PRKCB: variants seen among roughly 807,000 people sequenced by gnomAD.
PRKCB encodes protein kinase C beta.
A neutral mutation model predicts 81.5 loss-of-function variants in PRKCB; 13 were observed. That is an observed-to-expected ratio of 0.16 (90% CI 0.10 to 0.25). PRKCB has a LOEUF of 0.25. PRKCB is among the 10% of genes least tolerant of loss of function. The probability of loss-of-function intolerance (pLI) is 1.00; values close to 1 mark genes in which losing one functional copy is unlikely to be tolerated. For missense variants in PRKCB, 509 were observed against 875.7 expected (o/e 0.58, Z 5.29); for synonymous variants, 335 against 321.4 (o/e 1.04, Z -0.45).
chr16:24,004,075 A>T lies in PRKCB; in HGVS notation c.288+15485A>T, dbSNP rs1332400924. 2.6e-5 allele frequency among the ~76,000 whole-genome samples: 4 copies of T among 152,322 alleles called. No homozygotes were observed. In the East Asian group the frequency reaches 7.7e-4, roughly 29 times the overall value. ...AGATAAAACAACAAAGAAAATTATG[A>T]TCAATATAACAAAATATAGGAATAA... On this transcript the variant is annotated intron_variant, in intron 3 of 16. Transcript: ENST00000643927.
At chr16:24,198,651 T>C (rs1285923467) in intron 16 of PRKCB, among the ~76,000 whole-genome samples, 1 of 152,232 alleles carries the variant, frequency 6.6e-6, no homozygotes, top group Non-Finnish European at 1.5e-5. Flanking sequence ...TGTGGAGTCT[T>C]AAGCGCTAAA....
At chr16:23,941,299 GA>G (rs1389096008) in intron 2 of PRKCB, among the ~76,000 whole-genome samples, 1 of 152,166 alleles carries the variant, frequency 6.6e-6, no homozygotes, top group Non-Finnish European at 1.5e-5. Context: ...AGGAAGTAAT[GA>G]AAGTTTTCAA....
intron 2 of PRKCB, among the ~76,000 whole-genome samples, chr16:23,911,153 T>TTTTTTTTTTTTTTTTTTA (rs57965434): frequency 2.1e-5 from 3 of 140,836 alleles, no homozygotes; most frequent in Non-Finnish European, 3.0e-5. Flanking sequence ...TTTTTTTTTT[T>TTTTTTTTTTTTTTTTTTA]GAGACAAGGT....
In PRKCB at chr16:24,208,632, T is replaced by C. The variant is rs537982860; in HGVS notation, c.1864-6026T>C. Among the ~76,000 whole-genome samples the C allele has an allele frequency of 1.2e-3, 175 of 151,468 alleles. 1 individual carries two copies. The highest frequency in any genetic ancestry group is 0.01 in the South Asian group (50 of 4,778). On this transcript the variant is annotated intron_variant, in intron 16 of 16. Transcript: ENST00000643927. ...ATTTTCTTTTTTTTTTTAAGCTGAG[T>C]GAGGCTGAAGTGTTCACCCAAGACA...
intron 5 of PRKCB, among the ~76,000 whole-genome samples, chr16:24,083,765 C>T (rs944118327): frequency 1.3e-5 from 2 of 152,086 alleles, no homozygotes; most frequent in African/African-American, 2.4e-5. Flanking sequence ...GTGATGGTTA[C>T]GTGAATCTAT....
At chr16:24,214,164 G>A (rs1490904663) in intron 16 of PRKCB, among the ~76,000 whole-genome samples, 1 of 152,210 alleles carries the variant, frequency 6.6e-6, no homozygotes, top group East Asian at 1.9e-4. Context: ...CACTGCTCCT[G>A]ATTGAGAGCT....
intron 2 of PRKCB, among the ~76,000 whole-genome samples, chr16:23,909,826 A>C (rs1963622229): frequency 6.6e-6 from 1 of 152,120 alleles, no homozygotes. Context: ...GTGTATATAG[A>C]CCACATTTGC....
Position 24,128,387 on chromosome 16 carries a change from C to G in PRKCB, c.1065+4406C>G, listed in dbSNP as rs960392894. 1.6e-4 allele frequency among the ~76,000 whole-genome samples: 24 copies of G among 152,102 alleles called. 1 individual carries two copies. The highest frequency in any genetic ancestry group is 1.9e-4 in the Non-Finnish European group (13 of 68,024). On this transcript the variant is annotated intron_variant, in intron 9 of 16. Transcript: ENST00000643927. ...AAGACACTGTCTCAAACAACAACAA[C>G]AACAACAGCCCCACTAATAATTTGT...
chr16:24,009,604 A>ATTT (rs1345109900), intron 3 of PRKCB, among the ~76,000 whole-genome samples: 77 of 134,046 alleles, frequency 5.7e-4, no homozygotes, highest in East Asian at 5.4e-3. Context: ...TTTTTTTTTA[A>ATTT]AAAAGACAAG....
intron 9 of PRKCB, among the ~76,000 whole-genome samples, chr16:24,124,624 G>A (rs1466896634): frequency 1.3e-5 from 2 of 152,152 alleles, no homozygotes; most frequent in Non-Finnish European, 2.9e-5. Context: ...TAGATACTGC[G>A]AGATGCTGTT....
intron 5 of PRKCB, among the ~76,000 whole-genome samples, chr16:24,060,249 T>C (rs1384246876): frequency 6.6e-6 from 1 of 152,140 alleles, no homozygotes; most frequent in Non-Finnish European, 1.5e-5. Flanking sequence ...AGTGTCCTCA[T>C]CTGGCGAGCA....
chr16:24,092,759 T>C (rs754963571), intron 5 of PRKCB, 32 bp from the exon 6 acceptor site: 17 of 1,606,360 alleles, frequency 1.1e-5, no homozygotes, highest in Non-Finnish European at 1.4e-5. Flanking sequence ...TGTTGGACAG[T>C]ATTAATGCAA....
At chr16:23,931,899 G>A (rs2141756905) in intron 2 of PRKCB, among the ~76,000 whole-genome samples, 1 of 152,222 alleles carries the variant, frequency 6.6e-6, no homozygotes, top group Non-Finnish European at 1.5e-5. Context: ...TTTCCATACT[G>A]GATGTTTTGA....
At chr16:23,871,722 C>CATGT (rs1157004439) in intron 2 of PRKCB, among the ~76,000 whole-genome samples, 1 of 152,032 alleles carries the variant, frequency 6.6e-6, no homozygotes, top group African/African-American at 2.4e-5. Context: ...TGATTACAGG[C>CATGT]ATGTGCCACC....
At chr16:24,132,490 G>T (rs1046551439) in intron 9 of PRKCB, among the ~76,000 whole-genome samples, 4 of 152,190 alleles carry the variant, frequency 2.6e-5, no homozygotes, top group Non-Finnish European at 4.4e-5. Flanking sequence ...AAATATATCT[G>T]CCTGCCCTCA....
intron 9 of PRKCB, among the ~76,000 whole-genome samples, chr16:24,142,641 T>C (rs1427439620): frequency 6.6e-6 from 1 of 152,174 alleles, no homozygotes; most frequent in East Asian, 1.9e-4. Flanking sequence ...AGTTCTAATA[T>C]GCAGCAGGGA....
At chr16:24,172,199 T>C in intron 10 of PRKCB, 71 bp from the exon 11 acceptor site, 1 of 1,109,270 alleles carries the variant, frequency 9.0e-7, no homozygotes, top group East Asian at 2.4e-5. Flanking sequence ...ATTCCAGCTC[T>C]TCCCCCACTG....
chr16:24,195,920 G>C (rs74013160), intron 16 of PRKCB, among the ~76,000 whole-genome samples: 2,738 of 152,250 alleles, frequency 0.018, 76 homozygotes, highest in African/African-American at 0.06. Context: ...TGCTTCATCT[G>C]TGCAGAGCCA....
chr16:23,855,677 A>AG (rs1407878900), intron 2 of PRKCB, among the ~76,000 whole-genome samples: 2 of 152,216 alleles, frequency 1.3e-5, no homozygotes, highest in African/African-American at 4.8e-5. Flanking sequence ...AACATCTATA[A>AG]GGGATAGAGG....
Sources: gnomAD v4.1 joint callset for allele counts (sites outside exome capture counted in the v4.1 genomes callset) on GRCh38, gnomAD v4.1.1 for gene constraint, MANE v1.5 for transcripts, NCBI Gene and HGNC (gene_info 2026-07-23, HGNC 2026-07-21) for gene names.